The following HMBOX1 variants were observed in gnomAD, a reference collection of about 807,000 sequenced individuals.
HMBOX1 encodes homeobox-containing protein 1.
A neutral mutation model predicts 54.5 loss-of-function variants in HMBOX1; 14 were observed. That is an observed-to-expected ratio of 0.26 (90% CI 0.17 to 0.40). HMBOX1 has a LOEUF of 0.40. HMBOX1 is among the 10% of genes least tolerant of loss of function. The pLI is 1.00. For synonymous variants in HMBOX1, 160 were observed against 181.0 expected (o/e 0.88, Z 0.93); for missense variants, 332 against 514.4 (o/e 0.65, Z 3.43).
intron 4 of HMBOX1, among the ~76,000 whole-genome samples, chr8:29,007,643 C>T (rs1833653027): frequency 6.6e-6 from 1 of 151,916 alleles, no homozygotes; most frequent in Admixed American, 6.6e-5. Flanking sequence ...ATTGTGAGAC[C>T]CTGTCTCTAC....
At chr8:28,982,958 A>G (rs917412614) in intron 4 of HMBOX1, among the ~76,000 whole-genome samples, 4 of 152,078 alleles carry the variant, frequency 2.6e-5, no homozygotes, top group East Asian at 3.9e-4. Flanking sequence ...AGGTTTCACC[A>G]TGTTGCTCAG....
intron 4 of HMBOX1, among the ~76,000 whole-genome samples, chr8:28,993,549 G>C (rs547233392): frequency 6.6e-6 from 1 of 152,256 alleles, no homozygotes; most frequent in African/African-American, 2.4e-5. Context: ...AAGCAGCTCT[G>C]TATGTCTCCA....
chr8:29,026,061 CA>C (rs1201054098), intron 6 of HMBOX1, among the ~76,000 whole-genome samples: 1 of 151,776 alleles, frequency 6.6e-6, no homozygotes, highest in African/African-American at 2.4e-5. Context: ...CACACACACA[CA>C]CACACACACA....
At chr8:28,936,461 G>A (rs1437113073) in intron 1 of HMBOX1, among the ~76,000 whole-genome samples, 5 of 151,874 alleles carry the variant, frequency 3.3e-5, no homozygotes, top group Admixed American at 1.3e-4. Context: ...CTGGTCATTA[G>A]AGTACTTTTT....
At chr8:29,006,449 G>T (rs528442509) in intron 4 of HMBOX1, among the ~76,000 whole-genome samples, 2 of 152,150 alleles carry the variant, frequency 1.3e-5, no homozygotes, top group Non-Finnish European at 2.9e-5. Context: ...CTAGGTCATA[G>T]AGTATATGTA....
chr8:28,940,679 G>A (rs1477981281), intron 1 of HMBOX1, among the ~76,000 whole-genome samples: 1 of 152,152 alleles, frequency 6.6e-6, no homozygotes, highest in Non-Finnish European at 1.5e-5. Flanking sequence ...CTGGACCCTT[G>A]CATTCTGTCT....
In HMBOX1 at chr8:29,018,821, G is replaced by A. The variant is rs780435273; in HGVS notation, c.759G>A (p.Thr253=). 31 of 1,613,938 alleles carry A rather than the reference G, an allele frequency of 1.9e-5. No homozygotes were observed. Among genetic ancestry groups the A allele is most frequent in the African/African-American group, 2.7e-5 (2 of 74,898 alleles). ...IPIEDPEWRQ[T]PPPVSATSGT... ...TAGAGGACCCTGAATGGAGACAAAC[G>A]CCTCCCCCAGTCTCTGCCACATCTG... The change falls in exon 6 of 10, where the codon ACG becomes ACA. Residue 253 remains threonine, a synonymous_variant. Transcript: ENST00000287701.
At position 28,959,798 on chromosome 8, in the gene HMBOX1, A is replaced by G. The variant is rs10086555; in HGVS notation, c.-57-4013A>G. Reference sequence around the variant, plus strand: ...AGCTGATTTTGATGCCTCTTTCTATAGATTCTTAATTACCTTTATTTTACT... The same window carrying G: ...AGCTGATTTTGATGCCTCTTTCTATGGATTCTTAATTACCTTTATTTTACT... On this transcript the variant is annotated intron_variant, in intron 1 of 9. Coordinates refer to ENST00000287701, the MANE Select transcript of HMBOX1 (RefSeq NM_001135726.3). 1.0e-3 allele frequency among the ~76,000 whole-genome samples: 152 copies of G among 152,280 alleles called. 1 individual carries two copies. Among genetic ancestry groups the G allele is most frequent in the African/African-American group, 3.4e-3 (142 of 41,572 alleles).
intron 5 of HMBOX1, chr8:29,009,648 A>G (rs1833972574): frequency 8.0e-7 from 1 of 1,249,194 alleles, no homozygotes; most frequent in South Asian, 1.4e-5. Context: ...TTCTAATTCT[A>G]ATGACCTGGG....
chr8:28,902,225 T>G (rs1813363882), intron 1 of HMBOX1, among the ~76,000 whole-genome samples: 1 of 152,184 alleles, frequency 6.6e-6, no homozygotes, highest in African/African-American at 2.4e-5. Flanking sequence ...CTAAAATTTC[T>G]GGTACCCCTG....
intron 3 of HMBOX1, 78 bp from the exon 4 acceptor site, chr8:28,979,993 G>T: frequency 9.3e-7 from 1 of 1,071,996 alleles, no homozygotes. Context: ...CCACCTCTCT[G>T]CTTCACCTTT....
intron 1 of HMBOX1, among the ~76,000 whole-genome samples, chr8:28,961,662 ACAGCCTGATTCCACTT>A (rs1351701562): frequency 3.9e-5 from 6 of 152,096 alleles, no homozygotes; most frequent in African/African-American, 1.4e-4. Context: ...TGCTGTGAAC[ACAGCCTGATTCCACTT>A]CTTTTGGATA....
At chr8:28,973,032 G>A (rs1025008663) in intron 3 of HMBOX1, among the ~76,000 whole-genome samples, 2 of 151,986 alleles carry the variant, frequency 1.3e-5, no homozygotes, top group African/African-American at 2.4e-5. Context: ...TCATCTTGGG[G>A]TCTCAGTGGC....
At chr8:28,997,519 G>A (rs911886416) in intron 4 of HMBOX1, among the ~76,000 whole-genome samples, 5 of 152,010 alleles carry the variant, frequency 3.3e-5, no homozygotes, top group Non-Finnish European at 5.9e-5. Context: ...TTGTTGAGGA[G>A]TTTTACATCT....
At chr8:28,978,277 A>G (rs574471332) in intron 3 of HMBOX1, among the ~76,000 whole-genome samples, 1 of 152,158 alleles carries the variant, frequency 6.6e-6, no homozygotes, top group Non-Finnish European at 1.5e-5. Flanking sequence ...TTAAATCACA[A>G]CTCATTGTTT....
At chr8:28,943,084 G>T (rs1821744076) in intron 1 of HMBOX1, among the ~76,000 whole-genome samples, 1 of 152,172 alleles carries the variant, frequency 6.6e-6, no homozygotes, top group South Asian at 2.1e-4. Flanking sequence ...CAGGCAATAT[G>T]AATAAGTAGA....
chr8:28,910,279 G>A (rs974706403), intron 1 of HMBOX1, among the ~76,000 whole-genome samples: 1 of 152,180 alleles, frequency 6.6e-6, no homozygotes, highest in East Asian at 1.9e-4. Flanking sequence ...ATAGCATTCA[G>A]TTGTTTTAAA....
intron 6 of HMBOX1, among the ~76,000 whole-genome samples, chr8:29,029,045 T>G (rs1296783459): frequency 6.6e-6 from 1 of 152,216 alleles, no homozygotes; most frequent in African/African-American, 2.4e-5. Flanking sequence ...TGAGGCTTTC[T>G]TGTCATTTAA....
At chr8:29,027,461 C>T (rs1802237420) in intron 6 of HMBOX1, among the ~76,000 whole-genome samples, 2 of 152,128 alleles carry the variant, frequency 1.3e-5, no homozygotes, top group African/African-American at 4.8e-5. Context: ...GCATTTTGGG[C>T]TACATATTCC....
Sources: allele counts gnomAD v4.1 joint callset (sites outside exome capture counted in the v4.1 genomes callset), GRCh38; gene constraint gnomAD v4.1.1; transcripts MANE v1.5; gene names NCBI Gene and HGNC (gene_info 2026-07-23, HGNC 2026-07-21).